The following TMEFF2 variants were observed in gnomAD, a reference collection of about 807,000 sequenced individuals.
TMEFF2 encodes the protein tomoregulin-2.
Under a neutral mutation model 53.8 loss-of-function variants are expected in TMEFF2, and 28 were observed. The ratio of observed to expected loss-of-function variants is 0.52; its 90% CI spans 0.39 to 0.71. The LOEUF is 0.71. TMEFF2 is among the 30% of genes least tolerant of loss of function. The probability of loss-of-function intolerance (pLI) is 0.00; values close to 1 mark genes in which losing one functional copy is unlikely to be tolerated. For synonymous variants in TMEFF2, 162 were observed against 166.3 expected (o/e 0.97, Z 0.20); for missense variants, 353 against 455.2 (o/e 0.78, Z 2.04).
At chr2:192,000,039 AAAG>A (rs1686319044) in intron 5 of TMEFF2, among the ~76,000 whole-genome samples, 1 of 152,136 alleles carries the variant, frequency 6.6e-6, no homozygotes, top group South Asian at 2.1e-4. Context: ...TAGGTTACCT[AAAG>A]AAGAATTAAA....
At chr2:191,981,669 T>C (rs990690964) in intron 7 of TMEFF2, among the ~76,000 whole-genome samples, 1 of 152,222 alleles carries the variant, frequency 6.6e-6, no homozygotes, top group African/African-American at 2.4e-5. Context: ...TGTGTATTTG[T>C]TTGAGTAACA....
At chr2:192,179,759 T>A in intron 3 of TMEFF2, 65 bp from the exon 4 acceptor site, 1 of 1,435,348 alleles carries the variant, frequency 7.0e-7, no homozygotes, top group Non-Finnish European at 9.3e-7. Context: ...CTTTTTAAGC[T>A]CAAGTTTATT....
chr2:192,087,701 T>C (rs1688698206), intron 4 of TMEFF2, among the ~76,000 whole-genome samples: 2 of 152,152 alleles, frequency 1.3e-5, no homozygotes, highest in South Asian at 2.1e-4. Context: ...TAAACTTTAC[T>C]ATGTTTAATG....
rs899078117 is a variant in TMEFF2, at chr2:192,184,634, T to C, written c.283-151A>G. The stretch of plus-strand genomic sequence containing the variant: ...CCAATAAGTCTTTATAAGGGCATCA[T>C]TGAAAGATGCACAAAGCCAATTTCA... On this transcript the variant is annotated intron_variant, in intron 2 of 9. Coordinates refer to ENST00000272771, the MANE Select transcript of TMEFF2 (RefSeq NM_016192.4). 6.6e-6 allele frequency: 7 copies of C among 1,060,108 alleles called. No individual in the cohort carries two copies. The South Asian group carries it at 7.9e-5, about 12-fold the overall frequency. The allele number at this position is 1,060,108 out of a possible 1,614,324, so 65.7% of individuals were successfully genotyped here.
intron 5 of TMEFF2, chr2:192,028,916 G>C (rs1170831381): frequency 6.6e-6 from 1 of 151,974 alleles, no homozygotes; most frequent in African/African-American, 2.4e-5. Context: ...GACAAAGCAA[G>C]TAAAAATCAC....
chr2:192,038,226 A>G (rs1464873043), intron 5 of TMEFF2, among the ~76,000 whole-genome samples: 2 of 152,136 alleles, frequency 1.3e-5, no homozygotes, highest in African/African-American at 2.4e-5. Context: ...TAAGAGTACG[A>G]CCTCTGGGTT....
At position 192,194,584 on chromosome 2, in the gene TMEFF2, G is replaced by A. The variant is rs1403018129; in HGVS notation, c.-60C>T. 29 of 1,571,756 alleles carry A rather than the reference G, an allele frequency of 1.8e-5. No individual in the cohort carries two copies. Among genetic ancestry groups the A allele is most frequent in the African/African-American group, 1.6e-4 (12 of 74,264 alleles). On this transcript the variant is annotated 5_prime_UTR_variant, in exon 1 of 10. Transcript: ENST00000272771. This position sits in a 1 kb window ranked among gnomAD's most constrained non-coding sequence, Gnocchi z 4.2. ...TTCCGAGGAACACAGGATCGCGGGG[G>A]CCGGGCAGCGGGCTACTGAGCATCC...
intron 5 of TMEFF2, among the ~76,000 whole-genome samples, chr2:192,043,061 G>A (rs1469800499): frequency 6.6e-6 from 1 of 152,158 alleles, no homozygotes; most frequent in Non-Finnish European, 1.5e-5. Flanking sequence ...GGGCCAAGTG[G>A]CAGTACTCGA....
intron 5 of TMEFF2, among the ~76,000 whole-genome samples, chr2:192,039,065 C>T (rs1161263909): frequency 6.6e-6 from 1 of 151,694 alleles, no homozygotes; most frequent in East Asian, 1.9e-4. Context: ...TCTAACTTAA[C>T]ATTATAGTAG....
chr2:192,120,291 G>C (rs1418814856), intron 4 of TMEFF2, among the ~76,000 whole-genome samples: 1 of 152,196 alleles, frequency 6.6e-6, no homozygotes, highest in African/African-American at 2.4e-5. Flanking sequence ...GTTTCAGCCA[G>C]TTTGTAGAGG....
chr2:191,955,001 A>G (rs772197628), intron 8 of TMEFF2, among the ~76,000 whole-genome samples: 2 of 152,006 alleles, frequency 1.3e-5, no homozygotes, highest in Non-Finnish European at 2.9e-5. Flanking sequence ...TTTAATAATA[A>G]TGACACTGCT....
intron 4 of TMEFF2, among the ~76,000 whole-genome samples, chr2:192,128,140 G>A (rs144657867): frequency 4.1e-4 from 29 of 71,186 alleles, no homozygotes; most frequent in African/African-American, 1.5e-3. Flanking sequence ...CAAATAAATT[G>A]CATCTGTCAC....
At chr2:192,164,707 A>C (rs1314564428) in intron 4 of TMEFF2, among the ~76,000 whole-genome samples, 1 of 146,408 alleles carries the variant, frequency 6.8e-6, no homozygotes, top group East Asian at 2.0e-4. Context: ...CAGCCTGGTG[A>C]CATAGCGAGA....
chr2:192,089,325 G>A (rs900892202), intron 4 of TMEFF2, among the ~76,000 whole-genome samples: 3 of 151,988 alleles, frequency 2.0e-5, no homozygotes, highest in African/African-American at 7.3e-5. Flanking sequence ...AGCAGCCTAG[G>A]GACCAAACAA....
At chr2:191,988,564 A>G (rs1036370223) in intron 7 of TMEFF2, among the ~76,000 whole-genome samples, 1 of 152,220 alleles carries the variant, frequency 6.6e-6, no homozygotes, top group Non-Finnish European at 1.5e-5. Context: ...AAGTCTATAG[A>G]CTAATAACAT....
At chr2:192,087,940 A>G (rs780239270) in intron 4 of TMEFF2, among the ~76,000 whole-genome samples, 33 of 152,172 alleles carry the variant, frequency 2.2e-4, no homozygotes, top group Non-Finnish European at 4.3e-4. Context: ...AAATGCTGGG[A>G]GGCAATATTT....
At chr2:192,121,409 GC>G (rs1689551051) in intron 4 of TMEFF2, among the ~76,000 whole-genome samples, 1 of 152,144 alleles carries the variant, frequency 6.6e-6, no homozygotes, top group South Asian at 2.1e-4. Flanking sequence ...TCCATTGTGA[GC>G]CTAGAGAAGG....
At chr2:192,183,735 G>A (rs1018374204) in intron 3 of TMEFF2, among the ~76,000 whole-genome samples, 1 of 152,038 alleles carries the variant, frequency 6.6e-6, no homozygotes, top group Admixed American at 6.6e-5. Flanking sequence ...AGCACATGAA[G>A]TCACTCTTTC....
At chr2:192,049,558 A>C (rs1687712902) in intron 5 of TMEFF2, among the ~76,000 whole-genome samples, 1 of 152,146 alleles carries the variant, frequency 6.6e-6, no homozygotes, top group Non-Finnish European at 1.5e-5. Context: ...GGAGACAGGA[A>C]TCGCTGACTC....
Sources: gnomAD v4.1 joint callset for allele counts (sites outside exome capture counted in the v4.1 genomes callset) on GRCh38, gnomAD v4.1.1 for gene constraint, Gnocchi (gnomAD v3.1) non-coding constraint, MANE v1.5 for transcripts, NCBI Gene and HGNC (gene_info 2026-07-23, HGNC 2026-07-21) for gene names.